Variants in TAOK3 observed in about 807,000 individuals in gnomAD.
TAOK3 encodes the protein serine/threonine-protein kinase TAO3.
TAOK3 carries 40 observed loss-of-function variants against 120.4 expected under a neutral mutation model. The observed-to-expected ratio is 0.33, with a 90% confidence interval of 0.26 to 0.43. The LOEUF (loss-of-function observed/expected upper bound fraction) is 0.43, where lower values mean the gene tolerates loss of function less well. Ranked by LOEUF, TAOK3 falls within the 20% of genes least tolerant of loss-of-function variation. The probability of loss-of-function intolerance (pLI) is 1.00; values close to 1 mark genes in which losing one functional copy is unlikely to be tolerated. For missense variants in TAOK3, 821 were observed against 1,112.1 expected (o/e 0.74, Z 3.72); for synonymous variants, 355 against 387.5 (o/e 0.92, Z 0.99).
At chr12:118,197,682 C>CTTTT (rs67635506) in intron 13 of TAOK3, among the ~76,000 whole-genome samples, 1,452 of 90,640 alleles carry the variant, frequency 0.016, 4 homozygotes, top group Non-Finnish European at 0.022. Context: ...GCAAAACCTT[C>CTTTT]TTTTTTTTTT....
intron 19 of TAOK3, among the ~76,000 whole-genome samples, chr12:118,157,254 T>G (rs1425960646): frequency 6.6e-6 from 1 of 152,154 alleles, no homozygotes; most frequent in African/African-American, 2.4e-5. Context: ...TATCCATTCT[T>G]CCCATCTCCC....
rs549844717 is a variant in TAOK3 at position 118,255,526 on chromosome 12, T to C, written c.42A>G (p.Leu14=). 4.3e-6 allele frequency: 7 copies of C among 1,614,162 alleles called. No homozygotes were observed. Among genetic ancestry groups the C allele is most frequent in the East Asian group, 2.2e-5 (1 of 44,888 alleles). The stretch of plus-strand genomic sequence containing the variant: ...GTTCCTCAGGATCATCTTTGTAGAA[T>C]AGATCGGCAATCTCTGGGTCCTTCA... ...GVLKDPEIAD[L]FYKDDPEELF... Residue 14 remains leucine, a synonymous_variant, in exon 3 of 21, where the codon CTA becomes CTG. Transcript: ENST00000392533.
chr12:118,176,450 G>A (rs568023918), intron 16 of TAOK3, among the ~76,000 whole-genome samples: 1 of 152,252 alleles, frequency 6.6e-6, no homozygotes, highest in East Asian at 1.9e-4. Flanking sequence ...GAAGACAATG[G>A]ATTTCAAAAC....
At chr12:118,196,622 C>T (rs930915423) in intron 13 of TAOK3, among the ~76,000 whole-genome samples, 3 of 152,080 alleles carry the variant, frequency 2.0e-5, no homozygotes, top group Non-Finnish European at 2.9e-5. Context: ...TTATTAAGCA[C>T]GTTCTTATTG....
In TAOK3 at chr12:118,219,048, T is replaced by C. The variant is rs12228142; in HGVS notation, c.644-4938A>G. 7.7e-4 allele frequency among the ~76,000 whole-genome samples: 118 copies of C among 152,294 alleles called. 3 individuals carry two copies. The East Asian group carries it at 0.021, about 27-fold the overall frequency. On this transcript the variant is annotated intron_variant, in intron 9 of 20. Coordinates refer to ENST00000392533, the MANE Select transcript of TAOK3 (RefSeq NM_016281.4). ...CATCATTCTTAGGCCAAAGTCCAAA[T>C]CCTTAAACATAGTCTCTTGGACTTC...
chr12:118,185,457 A>G (rs1210187592), intron 14 of TAOK3, among the ~76,000 whole-genome samples: 1 of 152,206 alleles, frequency 6.6e-6, no homozygotes, highest in Non-Finnish European at 1.5e-5. Flanking sequence ...ATCAAAGCCA[A>G]CTTACAAGAT....
At chr12:118,331,582 T>C (rs938808660) in intron 1 of TAOK3, among the ~76,000 whole-genome samples, 1 of 145,072 alleles carries the variant, frequency 6.9e-6, no homozygotes, top group African/African-American at 2.6e-5. Context: ...GAGGTGGAGG[T>C]TGCAGTGATC....
At chr12:118,172,406 T>C (rs187784188) in intron 17 of TAOK3, 51 bp downstream of exon 17, 2 of 1,577,204 alleles carry the variant, frequency 1.3e-6, no homozygotes, top group African/African-American at 1.3e-5. Flanking sequence ...AAGCCTCACA[T>C]AGCATATTGT....
chr12:118,284,087 A>T (rs1228913821), intron 1 of TAOK3, among the ~76,000 whole-genome samples: 1 of 152,218 alleles, frequency 6.6e-6, no homozygotes, highest in Non-Finnish European at 1.5e-5. Context: ...ACAGAAAAAG[A>T]ATTGAAAGAA....
Position 118,251,652 on chromosome 12 carries a change from C to G in TAOK3, c.120+3796G>C, listed in dbSNP as rs560449847. On this transcript the variant is annotated intron_variant, in intron 3 of 20. Transcript: ENST00000392533. The stretch of plus-strand genomic sequence containing the variant: ...ACCTTCAAAAACGCACACACTCTAG[C>G]TAAATAGACAGGGCTTAGCCCAAAA... Among the ~76,000 whole-genome samples the G allele has an allele frequency of 2.9e-4, 44 of 152,260 alleles. No individual in the cohort carries two copies. The South Asian group carries it at 9.1e-3, about 32-fold the overall frequency.
rs762378423 is a variant in TAOK3, at chr12:118,160,284, C to T, written c.2214G>A (p.Lys738=). 9 of 1,614,042 alleles carry T rather than the reference C, an allele frequency of 5.6e-6. 1 individual carries two copies. In the African/African-American group the frequency reaches 1.2e-4, roughly 22 times the overall value. Residue 738 remains lysine (K), a synonymous_variant, in exon 19 of 21, where the codon AAG becomes AAA. Coordinates refer to ENST00000392533, the MANE Select transcript of TAOK3 (RefSeq NM_016281.4). This position sits in a 1 kb window ranked among gnomAD's most constrained non-coding sequence, Gnocchi z 4.2. The part of the protein sequence containing the change: ...KVQTKQYKAL[K]NHQLEVTPKN... ...TTGGAGTAACTTCCAACTGGTGATT[C>T]TTGAGTGCTTTATACTGTTTGGTCT...
At chr12:118,268,293 T>C (rs541969221) in intron 1 of TAOK3, among the ~76,000 whole-genome samples, 1 of 152,330 alleles carries the variant, frequency 6.6e-6, no homozygotes, top group South Asian at 2.1e-4. Context: ...TTTCTAGAAG[T>C]AGAATTATTG....
chr12:118,333,909 G>C (rs2044253493), intron 1 of TAOK3, among the ~76,000 whole-genome samples: 2 of 151,698 alleles, frequency 1.3e-5, no homozygotes, highest in South Asian at 4.1e-4. Flanking sequence ...GCCGAGGCGG[G>C]CAGACCACCT....
chr12:118,316,417 C>T (rs1414348245), intron 1 of TAOK3, among the ~76,000 whole-genome samples: 1 of 151,890 alleles, frequency 6.6e-6, no homozygotes, highest in Non-Finnish European at 1.5e-5. Context: ...GCCTCAAGGA[C>T]ATCATTTTTT....
At chr12:118,328,214 C>T (rs943450832) in intron 1 of TAOK3, among the ~76,000 whole-genome samples, 2 of 152,108 alleles carry the variant, frequency 1.3e-5, no homozygotes, top group Non-Finnish European at 2.9e-5. Flanking sequence ...CCACCCGCCA[C>T]CACGCCTGGC....
intron 2 of TAOK3, among the ~76,000 whole-genome samples, chr12:118,258,297 G>T (rs1005182318): frequency 1.3e-5 from 2 of 152,122 alleles, no homozygotes; most frequent in African/African-American, 4.8e-5. Flanking sequence ...TATAATCCTA[G>T]GCAGTCATCC....
chr12:118,192,444 T>C (rs1281765789), intron 13 of TAOK3, among the ~76,000 whole-genome samples: 1 of 152,188 alleles, frequency 6.6e-6, no homozygotes, highest in Non-Finnish European at 1.5e-5. Flanking sequence ...ATCATTTTCA[T>C]AACAGAGATC....
intron 20 of TAOK3, 52 bp from the exon 21 acceptor site, chr12:118,151,210 C>G (rs778255540): frequency 6.3e-7 from 1 of 1,593,644 alleles, no homozygotes; most frequent in Non-Finnish European, 8.5e-7. Context: ...TAACAGGCAC[C>G]CACGTGCACG....
intron 1 of TAOK3, among the ~76,000 whole-genome samples, chr12:118,295,551 A>C (rs149019153): frequency 0.024 from 3,597 of 152,316 alleles, 54 homozygotes; most frequent in Middle Eastern, 0.058. Context: ...TAATAGTTAA[A>C]AATGTACATG....
Sources: allele counts gnomAD v4.1 joint callset (sites outside exome capture counted in the v4.1 genomes callset), GRCh38; gene constraint gnomAD v4.1.1; non-coding constraint Gnocchi (gnomAD v3.1); transcripts MANE v1.5; gene names NCBI Gene and HGNC (gene_info 2026-07-23, HGNC 2026-07-21).